The following OSBPL10 variants were observed in gnomAD, a reference collection of about 807,000 sequenced individuals.
OSBPL10 encodes the protein oxysterol-binding protein-related protein 10.
Under a neutral mutation model 81.7 loss-of-function variants are expected in OSBPL10, and 49 were observed. That is an observed-to-expected ratio of 0.60 (90% CI 0.48 to 0.76). The LOEUF (loss-of-function observed/expected upper bound fraction) is 0.76, where lower values mean the gene tolerates loss of function less well. Among genes scored for constraint, OSBPL10 ranks in the 30% least tolerant of loss-of-function variants. The pLI, the probability that OSBPL10 is intolerant of heterozygous loss-of-function variation, is 0.00. For missense variants in OSBPL10, 923 were observed against 987.8 expected (o/e 0.93, Z 0.88); for synonymous variants, 419 against 383.6 (o/e 1.09, Z -1.08).
chr3:31,747,193 T>C (rs1309731860), intron 5 of OSBPL10, among the ~76,000 whole-genome samples: 1 of 151,476 alleles, frequency 6.6e-6, no homozygotes, highest in Non-Finnish European at 1.5e-5. Context: ...AATTTGGGCA[T>C]GGTGGAGGGC....
intron 1 of OSBPL10, among the ~76,000 whole-genome samples, chr3:31,928,762 C>CAAAAAAAAAAAAAAAAA (rs58345341): frequency 2.1e-5 from 2 of 95,064 alleles, no homozygotes; most frequent in African/African-American, 6.5e-5. Context: ...GACTTGTCTC[C>CAAAAAAAAAAAAAAAAA]AAAAAAAAAA....
chr3:31,877,339 A>G, intron 2 of OSBPL10, among the ~76,000 whole-genome samples: 1 of 152,170 alleles, frequency 6.6e-6, no homozygotes, highest in East Asian at 1.9e-4. Context: ...GCAAAGAGCA[A>G]GATACCAAAT....
chr3:32,048,250 A>AC (rs1699640635), intron 1 of OSBPL10, among the ~76,000 whole-genome samples: 1 of 148,382 alleles, frequency 6.7e-6, no homozygotes, highest in Non-Finnish European at 1.5e-5. Context: ...AATATTCAAG[A>AC]CCCCTGTTCC....
intron 2 of OSBPL10, chr3:31,990,744 A>G: frequency 6.2e-7 from 1 of 1,613,740 alleles, no homozygotes; most frequent in Non-Finnish European, 8.5e-7. Flanking sequence ...ACCATGAAAC[A>G]CATAAGAGAA....
intron 8 of OSBPL10, among the ~76,000 whole-genome samples, chr3:31,676,333 A>C (rs1200603126): frequency 6.6e-6 from 1 of 151,926 alleles, no homozygotes; most frequent in Non-Finnish European, 1.5e-5. Context: ...TTAAAATTAG[A>C]CTTACAAATG....
chr3:31,912,712 C>A (rs918461312), intron 1 of OSBPL10, among the ~76,000 whole-genome samples: 1 of 152,120 alleles, frequency 6.6e-6, no homozygotes, highest in African/African-American at 2.4e-5. Flanking sequence ...ATAAAGCTGT[C>A]GTAGAGTGAT....
At chr3:31,763,350 G>T (rs2168422) in intron 4 of OSBPL10, among the ~76,000 whole-genome samples, 53,898 of 151,934 alleles carry the variant, frequency 0.35, 11,807 homozygotes, top group African/African-American at 0.63. Flanking sequence ...TTTTTTCTCT[G>T]GCAGAACGTA....
intron 1 of OSBPL10, among the ~76,000 whole-genome samples, chr3:31,934,789 C>T (rs1318489315): frequency 6.6e-6 from 1 of 152,116 alleles, no homozygotes; most frequent in African/African-American, 2.4e-5. Context: ...TGGATATCCA[C>T]GGTTAACATA....
intron 4 of OSBPL10, among the ~76,000 whole-genome samples, chr3:31,793,125 G>A (rs1037800649): frequency 2.6e-5 from 4 of 151,886 alleles, no homozygotes; most frequent in East Asian, 1.9e-4. Flanking sequence ...TTATATTCAC[G>A]AACCAACCAA....
At chr3:31,908,555 G>C (rs962819745) in intron 1 of OSBPL10, among the ~76,000 whole-genome samples, 1 of 152,160 alleles carries the variant, frequency 6.6e-6, no homozygotes, top group African/African-American at 2.4e-5. Context: ...ATGGTGCCAG[G>C]TGTTTTTTGC....
At chr3:31,855,199 T>A (rs887189444) in intron 3 of OSBPL10, among the ~76,000 whole-genome samples, 1 of 151,938 alleles carries the variant, frequency 6.6e-6, no homozygotes, top group African/African-American at 2.4e-5. Context: ...TTTTAAGTTT[T>A]TTTGTGCACA....
chr3:31,924,609 G>A (rs1447149791), intron 1 of OSBPL10, among the ~76,000 whole-genome samples: 1 of 152,158 alleles, frequency 6.6e-6, no homozygotes, highest in Non-Finnish European at 1.5e-5. Context: ...CTTAATCGGA[G>A]TAAAGATATG....
chr3:32,071,089 C>T (rs1392243733), intron 1 of OSBPL10, among the ~76,000 whole-genome samples: 1 of 152,082 alleles, frequency 6.6e-6, no homozygotes, highest in Non-Finnish European at 1.5e-5. Flanking sequence ...AACAAGATAC[C>T]CTCCTGCTCC....
upstream of OSBPL10, chr3:31,981,775 C>T (rs1274443245): frequency 6.6e-6 from 1 of 152,298 alleles, no homozygotes; most frequent in African/African-American, 2.4e-5. This position sits in a 1 kb window ranked among gnomAD's most constrained non-coding sequence, Gnocchi z 4.5. Context: ...CGGTCTTCCG[C>T]ACACGATGCT....
intron 6 of OSBPL10, among the ~76,000 whole-genome samples, chr3:31,727,491 C>T (rs1455564052): frequency 6.6e-6 from 1 of 152,060 alleles, no homozygotes; most frequent in Non-Finnish European, 1.5e-5. Flanking sequence ...AATCCTATCA[C>T]CCACGAAATT....
chr3:31,927,389 A>T (rs192805780), intron 1 of OSBPL10, among the ~76,000 whole-genome samples: 51 of 152,350 alleles, frequency 3.3e-4, no homozygotes, highest in African/African-American at 1.2e-3. Flanking sequence ...CCATTAGAAC[A>T]CATCTTTTAA....
intron 3 of OSBPL10, among the ~76,000 whole-genome samples, chr3:31,866,368 A>AC (rs1701181324): frequency 6.6e-6 from 1 of 152,098 alleles, no homozygotes; most frequent in Admixed American, 6.5e-5. Flanking sequence ...TGGTCTCTCA[A>AC]CCTATCCACA....
At chr3:31,668,988 T>G (rs1257271662) in intron 9 of OSBPL10, among the ~76,000 whole-genome samples, 164 bp from the exon 10 acceptor site, 1 of 152,090 alleles carries the variant, frequency 6.6e-6, no homozygotes, top group East Asian at 1.9e-4. Flanking sequence ...TGATCTAATA[T>G]CCTTGAACAG....
At chr3:32,039,762 G>A (rs1422830795) in intron 2 of OSBPL10, among the ~76,000 whole-genome samples, 1 of 152,106 alleles carries the variant, frequency 6.6e-6, no homozygotes, top group Non-Finnish European at 1.5e-5. Context: ...TCATGTTTGT[G>A]TTATGTATTC....
Sources: allele counts gnomAD v4.1 joint callset (sites outside exome capture counted in the v4.1 genomes callset), GRCh38; gene constraint gnomAD v4.1.1; non-coding constraint Gnocchi (gnomAD v3.1); transcripts MANE v1.5; gene names NCBI Gene and HGNC (gene_info 2026-07-23, HGNC 2026-07-21).